GRM8: variants seen among roughly 807,000 people sequenced by gnomAD.
GRM8 encodes the protein metabotropic glutamate receptor 8.
GRM8 carries 47 observed loss-of-function variants against 87.2 expected under a neutral mutation model. The ratio of observed to expected loss-of-function variants is 0.54; its 90% CI spans 0.43 to 0.69. The LOEUF is 0.69. GRM8 is among the 30% of genes least tolerant of loss of function. The pLI, the probability that GRM8 is intolerant of heterozygous loss-of-function variation, is 0.00. For missense variants in GRM8, 1,019 were observed against 1,139.2 expected, an observed-to-expected ratio of 0.89 and a Z score of 1.52; for synonymous variants, 396 against 404.5, an observed-to-expected ratio of 0.98 and a Z score of 0.25.
intron 2 of GRM8, among the ~76,000 whole-genome samples, chr7:127,202,477 C>T (rs1587264732): frequency 6.6e-6 from 1 of 152,206 alleles, no homozygotes; most frequent in African/African-American, 2.4e-5. Context: ...CTCACCCAGA[C>T]TCTTTTCAGA....
intron 3 of GRM8, among the ~76,000 whole-genome samples, chr7:127,050,520 G>A (rs1387255823): frequency 6.6e-6 from 1 of 152,136 alleles, no homozygotes; most frequent in African/African-American, 2.4e-5. Flanking sequence ...GGTATAAATG[G>A]AGTGTCATCT....
At chr7:127,230,516 T>G (rs1472981277) in intron 2 of GRM8, among the ~76,000 whole-genome samples, 2 of 152,108 alleles carry the variant, frequency 1.3e-5, no homozygotes, top group Non-Finnish European at 2.9e-5. Flanking sequence ...AATCCCATAT[T>G]ACTGCATGAA....
rs1386844642 is a variant in GRM8 at position 126,892,471 on chromosome 7, A to C, written c.1156+10071T>G. 4.6e-5 allele frequency among the ~76,000 whole-genome samples: 7 copies of C among 151,942 alleles called. No homozygotes were observed. The South Asian group carries it at 1.0e-3, about 22-fold the overall frequency. On this transcript the variant is annotated intron_variant, in intron 6 of 10. Transcript: ENST00000339582. ...TCCCTACAAAGGACATGAACTCATC[A>C]TTTTTTATGGCTGCATAGTATTCCA...
chr7:126,831,809 G>C (rs1044265337), intron 6 of GRM8, among the ~76,000 whole-genome samples: 3 of 152,140 alleles, frequency 2.0e-5, no homozygotes, highest in South Asian at 4.1e-4. Flanking sequence ...GACCGGAGCT[G>C]TTCCTATTCG....
At chr7:126,814,647 C>G (rs1382562673) in intron 6 of GRM8, among the ~76,000 whole-genome samples, 1 of 151,944 alleles carries the variant, frequency 6.6e-6, no homozygotes, top group Non-Finnish European at 1.5e-5. Flanking sequence ...TGTTACCACT[C>G]TCCTTATTTT....
intron 2 of GRM8, among the ~76,000 whole-genome samples, chr7:127,232,417 T>C (rs1482906563): frequency 6.6e-6 from 1 of 152,070 alleles, no homozygotes; most frequent in African/African-American, 2.4e-5. Flanking sequence ...TTTTTATAGA[T>C]ACAGGATCTT....
chr7:126,763,490 CACA>C (rs1817832408), intron 7 of GRM8, among the ~76,000 whole-genome samples: 1 of 144,938 alleles, frequency 6.9e-6, no homozygotes, highest in Admixed American at 7.0e-5. Flanking sequence ...CACACACACA[CACA>C]CACAATTGTA....
intron 9 of GRM8, among the ~76,000 whole-genome samples, chr7:126,446,983 G>A (rs1023372791): frequency 2.6e-5 from 4 of 151,604 alleles, no homozygotes; most frequent in Non-Finnish European, 5.9e-5. Context: ...GCATCATATC[G>A]AAATAAGTCA....
chr7:126,669,394 G>A (rs950390403), intron 7 of GRM8, among the ~76,000 whole-genome samples: 17 of 151,366 alleles, frequency 1.1e-4, no homozygotes, highest in African/African-American at 4.1e-4. Context: ...TTGGCCAAAA[G>A]AAAGACAATT....
chr7:127,000,579 G>A (rs4728060), intron 3 of GRM8, among the ~76,000 whole-genome samples: 96,030 of 151,346 alleles, frequency 0.63, 31,906 homozygotes, highest in African/African-American at 0.85. Flanking sequence ...ACACTAGGTG[G>A]CATACGCCAG....
At chr7:127,144,918 TA>T (rs1298281093) in intron 2 of GRM8, among the ~76,000 whole-genome samples, 1 of 152,126 alleles carries the variant, frequency 6.6e-6, no homozygotes, top group African/African-American at 2.4e-5. Flanking sequence ...TACACAGTTC[TA>T]GCAGAAAAAA....
At chr7:127,059,576 T>G (rs1820411805) in intron 3 of GRM8, among the ~76,000 whole-genome samples, 1 of 152,110 alleles carries the variant, frequency 6.6e-6, no homozygotes, top group Admixed American at 6.6e-5. Flanking sequence ...ACCTTGTGAT[T>G]GCACCCGCCT....
chr7:126,473,699 C>T (rs1430204508), intron 9 of GRM8, among the ~76,000 whole-genome samples: 1 of 151,952 alleles, frequency 6.6e-6, no homozygotes, highest in African/African-American at 2.4e-5. Context: ...GCTTTGTGTC[C>T]CCACCCAAAT....
chr7:126,800,215 A>G (rs1822499005), intron 6 of GRM8, among the ~76,000 whole-genome samples: 1 of 152,054 alleles, frequency 6.6e-6, no homozygotes, highest in Non-Finnish European at 1.5e-5. Context: ...CACAAGCTCT[A>G]CGAATCTCAT....
chr7:127,035,780 A>C (rs1817790733), intron 3 of GRM8, among the ~76,000 whole-genome samples: 1 of 152,098 alleles, frequency 6.6e-6, no homozygotes, highest in Non-Finnish European at 1.5e-5. Context: ...ATGTTAGTTA[A>C]TTCTTCCCGT....
intron 7 of GRM8, among the ~76,000 whole-genome samples, chr7:126,673,477 C>T (rs924045197): frequency 2.0e-5 from 3 of 152,130 alleles, no homozygotes; most frequent in Admixed American, 6.5e-5. Flanking sequence ...TATGTTGCCT[C>T]ACTAGAAATA....
chr7:126,943,627 A>AT (rs1807212532), intron 3 of GRM8, among the ~76,000 whole-genome samples: 1 of 152,214 alleles, frequency 6.6e-6, no homozygotes, highest in African/African-American at 2.4e-5. Flanking sequence ...AACAGGAAGG[A>AT]ATAGCTCTTG....
intron 7 of GRM8, among the ~76,000 whole-genome samples, chr7:126,750,154 T>A (rs201170042): frequency 6.6e-6 from 1 of 152,092 alleles, no homozygotes; most frequent in Admixed American, 6.6e-5. Context: ...GGGCAATGAA[T>A]GAACTACCAA....
In GRM8 at chr7:127,098,520, A is replaced by T. The variant is rs574232647; in HGVS notation, c.727+7976T>A. On this transcript the variant is annotated intron_variant, in intron 3 of 10. Coordinates refer to ENST00000339582, the MANE Select transcript of GRM8 (RefSeq NM_000845.3). Reference sequence around the variant, plus strand: ...GATACATTAAAAATATGATCAGTGAACACGTTTCAATTGTACACTAGGGAT... The same window carrying T: ...GATACATTAAAAATATGATCAGTGATCACGTTTCAATTGTACACTAGGGAT... Among the ~76,000 whole-genome samples the T allele has an allele frequency of 3.9e-5, 6 of 152,292 alleles. No individual in the cohort carries two copies. The East Asian group carries it at 1.2e-3, about 29-fold the overall frequency.
Sources: allele counts gnomAD v4.1 joint callset (sites outside exome capture counted in the v4.1 genomes callset), GRCh38; gene constraint gnomAD v4.1.1; transcripts MANE v1.5; gene names NCBI Gene and HGNC (gene_info 2026-07-23, HGNC 2026-07-21).